Variants in DNAJB4 observed in about 807,000 individuals in gnomAD.
DNAJB4 encodes the protein dnaJ homolog subfamily B member 4.
A neutral mutation model predicts 26.6 loss-of-function variants in DNAJB4; 10 were observed. The observed-to-expected ratio is 0.38, with a 90% confidence interval of 0.23 to 0.64. DNAJB4 has a LOEUF of 0.64. DNAJB4 is among the 30% of genes least tolerant of loss of function. The pLI is 0.58. For synonymous variants in DNAJB4, 136 were observed against 134.8 expected (o/e 1.01, Z -0.06); for missense variants, 328 against 408.2 (o/e 0.80, Z 1.69).
At chr1:77,996,961 A>G (rs143314440) in intron 1 of DNAJB4, among the ~76,000 whole-genome samples, 86 of 152,320 alleles carry the variant, frequency 5.6e-4, no homozygotes, top group African/African-American at 1.9e-3. Context: ...AGCCAGAACC[A>G]CAGGCGTGAG....
chr1:77,994,562 A>G (rs1027280088), intron 1 of DNAJB4, among the ~76,000 whole-genome samples: 6 of 143,914 alleles, frequency 4.2e-5, no homozygotes, highest in Non-Finnish European at 7.5e-5. Flanking sequence ...TTTTCTGTGT[A>G]CTCCTTAAAC....
At chr1:77,999,705 ACTAT>A (rs1005543718) in intron 1 of DNAJB4, among the ~76,000 whole-genome samples, 17 of 152,244 alleles carry the variant, frequency 1.1e-4, no homozygotes, top group Non-Finnish European at 4.4e-5. Context: ...TGACACATGT[ACTAT>A]CTCATCTGAC....
intron 1 of DNAJB4, among the ~76,000 whole-genome samples, chr1:77,994,324 G>A (rs935438337): frequency 7.9e-5 from 12 of 151,650 alleles, no homozygotes; most frequent in Non-Finnish European, 2.9e-5. Context: ...CTTGAGCCCC[G>A]GAGGCTGAGA....
chr1:78,005,459 TAGA>T (rs1430574733), intron 1 of DNAJB4, 138 bp downstream of exon 1: 7 of 708,160 alleles, frequency 9.9e-6, no homozygotes, highest in South Asian at 8.3e-5. Context: ...ATATCAAAAG[TAGA>T]AGGACAAATG....
chr1:78,012,968 A>G (rs1660530760), intron 1 of DNAJB4, 83 bp from the exon 2 acceptor site: 9 of 1,297,040 alleles, frequency 6.9e-6, no homozygotes, highest in Admixed American at 2.9e-5. Context: ...AGTTAGCCAA[A>G]ATTTATTAGC....
intron 1 of DNAJB4, among the ~76,000 whole-genome samples, chr1:77,995,095 C>A (rs557740830): frequency 1.3e-5 from 2 of 152,080 alleles, no homozygotes; most frequent in African/African-American, 2.4e-5. Flanking sequence ...GAATTGAGGT[C>A]AAAGTGTAAA....
Position 78,005,197 on chromosome 1 carries a change from C to A in DNAJB4, c.87C>A (p.Leu29=), listed in dbSNP as rs111489789. 1.4e-4 allele frequency: 234 copies of A among 1,614,042 alleles called. 1 individual carries two copies. In the African/African-American group the frequency reaches 1.5e-3, roughly 10 times the overall value. The stretch of plus-strand genomic sequence containing the variant: ...AAAAGGCTTACCGAAAACAAGCCCT[C>A]AAATTTCATCCGGACAAGAACAAAT... ...DIKKAYRKQA[L]KFHPDKNKSP... The change falls in exon 1 of 3, where the codon CTC becomes CTA. Residue 29 remains leucine (L), a synonymous_variant. Transcript: ENST00000370763.
chr1:77,987,371 C>A (rs573954453), intron 1 of DNAJB4, among the ~76,000 whole-genome samples: 1 of 152,164 alleles, frequency 6.6e-6, no homozygotes, highest in Non-Finnish European at 1.5e-5. Flanking sequence ...TCAAGTGATC[C>A]CCCTGCCTCA....
intron 1 of DNAJB4, among the ~76,000 whole-genome samples, chr1:78,007,771 T>G (rs911477928): frequency 6.6e-6 from 1 of 152,202 alleles, no homozygotes; most frequent in African/African-American, 2.4e-5. Context: ...TCTCTTTGCC[T>G]TTTATTTATC....
upstream of DNAJB4, among the ~76,000 whole-genome samples, chr1:78,002,280 C>T (rs1257921232): frequency 6.6e-6 from 1 of 152,066 alleles, no homozygotes; most frequent in Non-Finnish European, 1.5e-5. Flanking sequence ...AATGACAATC[C>T]CAACCCCTCC....
intron 1 of DNAJB4, among the ~76,000 whole-genome samples, chr1:77,987,824 T>C (rs1164225228): frequency 6.6e-6 from 1 of 152,008 alleles, no homozygotes; most frequent in African/African-American, 2.4e-5. Flanking sequence ...TGTATATTGC[T>C]ACTTCAGTGA....
chr1:77,994,651 A>G (rs560503675), intron 1 of DNAJB4, among the ~76,000 whole-genome samples: 11 of 151,180 alleles, frequency 7.3e-5, no homozygotes, highest in Non-Finnish European at 1.5e-4. Flanking sequence ...CAGGCCACAT[A>G]TAAGAAAAGA....
chr1:77,993,125 C>T (rs1659976490), intron 1 of DNAJB4, among the ~76,000 whole-genome samples: 1 of 152,084 alleles, frequency 6.6e-6, no homozygotes. Flanking sequence ...GCTCTCCCTC[C>T]AGCGAAGAAT....
rs182331240 is a variant in DNAJB4 at position 77,988,838 on chromosome 1, G to A, written c.-32+8516G>A. Reference sequence around the variant, plus strand: ...CTAGAATGTACAGAGAATGAGGCAGGGATTTTTGTTCATACTGTATCCCTA... The same window carrying A: ...CTAGAATGTACAGAGAATGAGGCAGAGATTTTTGTTCATACTGTATCCCTA... On this transcript the variant is annotated intron_variant, in intron 1 of 2. Coordinates refer to the DNAJB4 transcript ENST00000426517. 2.0e-4 allele frequency among the ~76,000 whole-genome samples: 31 copies of A among 152,162 alleles called. No individual in the cohort carries two copies. In the East Asian group the frequency reaches 5.8e-3, roughly 28 times the overall value.
chr1:77,999,600 A>T (rs923849947), intron 1 of DNAJB4, among the ~76,000 whole-genome samples: 7 of 152,194 alleles, frequency 4.6e-5, no homozygotes, highest in Admixed American at 3.9e-4. Flanking sequence ...AAAGGAGACT[A>T]TTTGTCAATA....
At chr1:77,991,420 A>T (rs1004422215) in intron 1 of DNAJB4, among the ~76,000 whole-genome samples, 1 of 152,180 alleles carries the variant, frequency 6.6e-6, no homozygotes, top group African/African-American at 2.4e-5. Flanking sequence ...GGTCATTTTT[A>T]GACATACGCA....
chr1:78,015,550 CTTTTTTTTT>C (rs766899519), intron 2 of DNAJB4, among the ~76,000 whole-genome samples: 1 of 57,810 alleles, frequency 1.7e-5, no homozygotes. Context: ...TTTCTTTCTT[CTTTTTTTTT>C]TTTTTTTTTG....
chr1:78,010,394 T>C (rs1457628475), intron 1 of DNAJB4, among the ~76,000 whole-genome samples: 3 of 152,006 alleles, frequency 2.0e-5, no homozygotes, highest in Non-Finnish European at 4.4e-5. Flanking sequence ...AAAAAAAAAA[T>C]CTGCCATTAC....
chr1:77,979,418 A>G (rs1186522011), upstream of DNAJB4: 2 of 179,042 alleles, frequency 1.1e-5, no homozygotes, highest in African/African-American at 4.7e-5. Flanking sequence ...TCAGGGAGGT[A>G]GTGCGGTAGA....
Sources: allele counts gnomAD v4.1 joint callset (sites outside exome capture counted in the v4.1 genomes callset), GRCh38; gene constraint gnomAD v4.1.1; transcripts MANE v1.5; gene names NCBI Gene and HGNC (gene_info 2026-07-23, HGNC 2026-07-21).